The following SENP6 variants were observed in gnomAD, a reference collection of about 807,000 sequenced individuals.
SENP6 encodes SUMO specific peptidase 6.
In SENP6, 41 loss-of-function variants were observed where a neutral mutation model predicts 134.5. That is an observed-to-expected ratio of 0.30 (90% CI 0.24 to 0.40). SENP6 has a LOEUF of 0.40. Ranked by LOEUF, SENP6 falls within the 10% of genes least tolerant of loss-of-function variation. The pLI is 1.00. For synonymous variants in SENP6, 395 were observed against 429.8 expected (o/e 0.92, Z 1.00); for missense variants, 1,248 against 1,312.5 (o/e 0.95, Z 0.76).
intron 1 of SENP6, among the ~76,000 whole-genome samples, chr6:75,612,659 A>C (rs951285809): frequency 4.6e-5 from 7 of 152,196 alleles, no homozygotes; most frequent in African/African-American, 1.7e-4. Context: ...ACATCACTAC[A>C]GTGGGAGATG....
intron 3 of SENP6, 115 bp from the exon 4 acceptor site, chr6:75,633,466 C>T: frequency 2.4e-6 from 2 of 824,948 alleles, no homozygotes; most frequent in Non-Finnish European, 3.6e-6. Context: ...ATGCTATCCA[C>T]CATCATTCCC....
intron 7 of SENP6, among the ~76,000 whole-genome samples, chr6:75,650,296 C>T (rs900079401): frequency 5.7e-4 from 87 of 152,234 alleles, no homozygotes; most frequent in African/African-American, 1.9e-3. Context: ...TTAAGATACT[C>T]TCTGCTGGGT....
At chr6:75,671,771 G>A (rs1016831412) in intron 11 of SENP6, among the ~76,000 whole-genome samples, 1 of 151,980 alleles carries the variant, frequency 6.6e-6, no homozygotes, top group Non-Finnish European at 1.5e-5. Flanking sequence ...AAGTTGTAAG[G>A]TATTTTATTA....
At chr6:75,630,382 A>G (rs577936832) in intron 3 of SENP6, among the ~76,000 whole-genome samples, 1 of 152,166 alleles carries the variant, frequency 6.6e-6, no homozygotes, top group Non-Finnish European at 1.5e-5. Context: ...TAGGTAATTT[A>G]TCTGCTAGTC....
At chr6:75,674,996 T>C (rs1772975812) in intron 11 of SENP6, among the ~76,000 whole-genome samples, 1 of 152,196 alleles carries the variant, frequency 6.6e-6, no homozygotes, top group Non-Finnish European at 1.5e-5. Flanking sequence ...CAGGCTATAA[T>C]AGGCTTAATG....
chr6:75,671,897 T>G (rs1413970198), intron 11 of SENP6, among the ~76,000 whole-genome samples: 1 of 152,196 alleles, frequency 6.6e-6, no homozygotes, highest in Non-Finnish European at 1.5e-5. Flanking sequence ...TGAACCTGAT[T>G]TCTTAGCAGA....
chr6:75,633,751 C>A, intron 4 of SENP6, 25 bp downstream of exon 4: 1 of 1,566,466 alleles, frequency 6.4e-7, no homozygotes, highest in Admixed American at 2.0e-5. Flanking sequence ...CCACACATTC[C>A]TACAGAAAAG....
intron 6 of SENP6, among the ~76,000 whole-genome samples, chr6:75,641,469 G>A (rs961970738): frequency 2.0e-5 from 3 of 152,074 alleles, no homozygotes; most frequent in African/African-American, 7.2e-5. Context: ...AACATCAAGT[G>A]TATTCTCTTC....
chr6:75,654,053 G>A (rs2784732), intron 7 of SENP6, among the ~76,000 whole-genome samples: 47,613 of 151,996 alleles, frequency 0.31, 8,786 homozygotes, highest in Admixed American at 0.48. Context: ...GTGAGACCCT[G>A]TCTCTATAAA....
intron 7 of SENP6, chr6:75,655,261 T>C (rs1430758708): frequency 6.6e-6 from 1 of 152,314 alleles, no homozygotes; most frequent in Non-Finnish European, 1.5e-5. Context: ...TGGCGATCAA[T>C]GGGGTGACAG....
At chr6:75,669,919 T>C (rs903117453) in intron 10 of SENP6, among the ~76,000 whole-genome samples, 2 of 142,904 alleles carry the variant, frequency 1.4e-5, no homozygotes, top group African/African-American at 5.2e-5. Flanking sequence ...ACGTAAGTTA[T>C]TAAGTTTTAC....
At chr6:75,658,042 G>A (rs570156877) in intron 7 of SENP6, among the ~76,000 whole-genome samples, 1 of 152,182 alleles carries the variant, frequency 6.6e-6, no homozygotes, top group South Asian at 2.1e-4. Context: ...GGATTTAAGG[G>A]GAGCAAAATT....
chr6:75,645,766 ACT>A (rs67972142), intron 6 of SENP6, among the ~76,000 whole-genome samples: 14,443 of 152,202 alleles, frequency 0.095, 708 homozygotes, highest in Non-Finnish European at 0.11. Context: ...TATTTAAGAT[ACT>A]CTGTTTCTTT....
At chr6:75,688,239 A>G (rs1773988661) in intron 16 of SENP6, among the ~76,000 whole-genome samples, 1 of 152,186 alleles carries the variant, frequency 6.6e-6, no homozygotes, top group South Asian at 2.1e-4. Flanking sequence ...GCTGGTTGCT[A>G]AGACCTTGGG....
chr6:75,677,292 T>G, intron 14 of SENP6, 36 bp downstream of exon 14: 1 of 1,355,634 alleles, frequency 7.4e-7, no homozygotes, highest in Non-Finnish European at 1.0e-6. Context: ...TATTCTTAAA[T>G]TGTGGGTAGT....
rs533561273 is a variant in SENP6 at position 75,693,429 on chromosome 6, A to C, written c.2076-2375A>C. On this transcript the variant is annotated intron_variant, in intron 16 of 23. Transcript: ENST00000447266. ...AAATTTAAAAAAAAAAAAAAAAAAA[A>C]CACCAAAGTAGCCATTATAGTTTGG... Among the ~76,000 whole-genome samples, 16 of 145,524 alleles carry C rather than the reference A, an allele frequency of 1.1e-4. No homozygotes were observed. In the South Asian group the frequency reaches 1.5e-3, roughly 13 times the overall value.
chr6:75,602,480 G>T lies in SENP6; in HGVS notation c.-45G>T, dbSNP rs1359634364. 1 of 1,549,160 alleles carries T rather than the reference G, an allele frequency of 6.5e-7. No homozygotes were observed. The highest frequency in any genetic ancestry group is 8.7e-7 in the Non-Finnish European group (1 of 1,146,060). On this transcript the variant is annotated 5_prime_UTR_variant, in exon 1 of 24. Transcript: ENST00000447266. ...CCCTCATCCCGGCGAGCACGGCGGC[G>T]GTGTGGGCCATGGATTAAGAAGGAG... is the stretch of plus-strand genomic sequence containing the variant.
Position 75,690,946 on chromosome 6 carries a change from G to GC in SENP6, c.2076-4852dup, listed in dbSNP as rs1474398645. The stretch of plus-strand genomic sequence containing the variant: ...CTTCTGTCCTCAAGTGATCCCCCCT[G>GC]CCCCCCATCAGCTTCCCAAAGTGCT... On this transcript the variant is annotated intron_variant, in intron 16 of 23. Coordinates refer to ENST00000447266, the MANE Select transcript of SENP6 (RefSeq NM_015571.4). 6.6e-5 allele frequency among the ~76,000 whole-genome samples: 10 copies of GC among 150,606 alleles called. No homozygotes were observed. The South Asian group carries it at 2.1e-3, about 32-fold the overall frequency.
In SENP6 at chr6:75,602,576, G is replaced by C; in HGVS notation, c.52G>C (p.Ala18Pro). 2.6e-6 allele frequency: 4 copies of C among 1,551,458 alleles called. No homozygotes were observed. Among genetic ancestry groups the C allele is most frequent in the Non-Finnish European group, 3.5e-6 (4 of 1,146,854 alleles). ...GSAGEITFLE[A>P]LARSESKRDG... ...CGCAGGGGAGATTACTTTTCTGGAA[G>C]GTACGTCTGTTTCTGCCCTTGACGG... The change falls in exon 1 of 24, where the codon GCT becomes CCT. Residue 18 changes from alanine to proline, a missense_variant and splice_region_variant. Ala to Pro is a conservative substitution (Grantham distance 27). Coordinates refer to ENST00000447266, the MANE Select transcript of SENP6 (RefSeq NM_015571.4).
Sources: gnomAD v4.1 joint callset for allele counts (sites outside exome capture counted in the v4.1 genomes callset) on GRCh38, gnomAD v4.1.1 for gene constraint, MANE v1.5 for transcripts, NCBI Gene and HGNC (gene_info 2026-07-23, HGNC 2026-07-21) for gene names.